The following WBP2NL variants were observed in gnomAD, a reference collection of about 807,000 sequenced individuals.
The protein encoded by WBP2NL is WBP2 N-terminal like, also known as postacrosomal sheath WW domain-binding protein.
WBP2NL carries 27 observed loss-of-function variants against 23.3 expected under a neutral mutation model. That is an observed-to-expected ratio of 1.16 (90% confidence interval 0.85 to 1.60). The LOEUF is 1.60. Ranked by LOEUF, WBP2NL falls within the 40% of genes most tolerant of loss-of-function variation. The pLI, the probability that WBP2NL is intolerant of heterozygous loss-of-function variation, is 0.00. For synonymous variants in WBP2NL, 151 were observed against 145.9 expected (o/e 1.03, Z -0.25); for missense variants, 370 against 389.5 (o/e 0.95, Z 0.42).
At chr22:42,031,443 T>C (rs1717936264), downstream of WBP2NL, 1 of 152,216 alleles carries the variant, frequency 6.6e-6, no homozygotes, top group South Asian at 2.1e-4. Flanking sequence ...GCTCTTCCTG[T>C]CTCTTCCCCA....
At chr22:42,019,164 T>TG in intron 1 of WBP2NL, 147 bp from the exon 2 acceptor site, 3 of 624,132 alleles carry the variant, frequency 4.8e-6, no homozygotes, top group Non-Finnish European at 8.1e-6. Context: ...GAGCTTGCAG[T>TG]GAGGTGAAAT....
downstream of WBP2NL, among the ~76,000 whole-genome samples, chr22:42,036,613 A>G (rs1776647661): frequency 6.6e-6 from 1 of 152,080 alleles, no homozygotes; most frequent in African/African-American, 2.4e-5. Context: ...TATCTTTTTG[A>G]TAATAGCCTA....
chr22:42,057,393 C>T (rs1469661085), intron 8 of WBP2NL, among the ~76,000 whole-genome samples: 1 of 152,088 alleles, frequency 6.6e-6, no homozygotes, highest in African/African-American at 2.4e-5. Flanking sequence ...ACAGTTTTAT[C>T]TCTTCTTTGT....
intron 3 of WBP2NL, 77 bp downstream of exon 3, chr22:42,019,880 A>C: frequency 6.3e-7 from 1 of 1,599,664 alleles, no homozygotes; most frequent in Non-Finnish European, 8.5e-7. Flanking sequence ...AACTTGGCTC[A>C]TGTTGAAATT....
rs924042403 is a variant in WBP2NL, at chr22:42,028,170, T to C, written c.*989T>C. ...TGTCCATTAATAGGAAATATATGAA[T>C]AGGCTATGGTATGCCCATACTACGT... On this transcript the variant is annotated 3_prime_UTR_variant, in exon 6 of 6. Coordinates refer to ENST00000328823, the MANE Select transcript of WBP2NL (RefSeq NM_152613.3). 1.0e-5 allele frequency: 4 copies of C among 398,164 alleles called. No homozygotes were observed. The highest frequency in any genetic ancestry group is 6.2e-4 in the Middle Eastern group (1 of 1,608). The allele number at this position is 398,164 out of a possible 1,614,324, so 24.7% of individuals were successfully genotyped here.
downstream of WBP2NL, among the ~76,000 whole-genome samples, chr22:42,036,368 G>A (rs1925182565): frequency 6.6e-6 from 1 of 152,178 alleles, no homozygotes; most frequent in Non-Finnish European, 1.5e-5. Flanking sequence ...TAGAGATGGG[G>A]TTTCAGCATG....
downstream of WBP2NL, among the ~76,000 whole-genome samples, chr22:42,029,294 GAAA>G (rs953340569): frequency 5.2e-4 from 43 of 81,986 alleles, no homozygotes; most frequent in African/African-American, 2.0e-3. Context: ...CTGTGTCTAG[GAAA>G]AAAAAAAAAA....
chr22:42,012,499 T>C, intron 1 of WBP2NL, among the ~76,000 whole-genome samples: 1 of 152,208 alleles, frequency 6.6e-6, no homozygotes, highest in Non-Finnish European at 1.5e-5. Flanking sequence ...TTTCCACATA[T>C]TTGTGGCAGT....
At chr22:42,036,714 A>T (rs1160309980), downstream of WBP2NL, among the ~76,000 whole-genome samples, 1 of 152,164 alleles carries the variant, frequency 6.6e-6, no homozygotes, top group Non-Finnish European at 1.5e-5. Context: ...CTTATTGGCC[A>T]TCTGAATTTC....
chr22:42,029,769 A>G (rs546033585), downstream of WBP2NL, among the ~76,000 whole-genome samples: 6 of 152,358 alleles, frequency 3.9e-5, no homozygotes, highest in South Asian at 1.2e-3. Flanking sequence ...GCTTGTAAAT[A>G]TTGTTAGTGA....
At chr22:42,011,133 A>G (rs527594078) in intron 1 of WBP2NL, among the ~76,000 whole-genome samples, 2 of 152,342 alleles carry the variant, frequency 1.3e-5, no homozygotes, top group East Asian at 3.9e-4. Context: ...GTATCAGGGT[A>G]ATGCTGGCCT....
rs966964284 is a variant in WBP2NL at position 42,027,275 on chromosome 22, A to G, written c.*94A>G. 7.5e-6 allele frequency: 11 copies of G among 1,458,288 alleles called. No homozygotes were observed. Among genetic ancestry groups the G allele is most frequent in the African/African-American group, 2.8e-5 (2 of 70,264 alleles). The allele number at this position is 1,458,288 out of a possible 1,614,324, so 90.3% of individuals were successfully genotyped here. On this transcript the variant is annotated 3_prime_UTR_variant, in exon 6 of 6. Transcript: ENST00000328823. The stretch of plus-strand genomic sequence containing the variant: ...GAGGACGACTCAGGTATGTGATCAC[A>G]GGCTTCTCGCAGGTAGTTGTTCCAC...
chr22:42,039,776 T>A (rs1925329982), intron 8 of WBP2NL, among the ~76,000 whole-genome samples: 1 of 152,130 alleles, frequency 6.6e-6, no homozygotes, highest in Admixed American at 6.6e-5. Context: ...TTGATCTTTT[T>A]AAAAAGCCAA....
At chr22:42,025,587 AT>A (rs1422448113) in intron 5 of WBP2NL, among the ~76,000 whole-genome samples, 1 of 152,128 alleles carries the variant, frequency 6.6e-6, no homozygotes, top group East Asian at 1.9e-4. Context: ...TTTTTTTCCC[AT>A]TGAATGGTCT....
chr22:42,044,977 A>AT (rs1044949395), intron 8 of WBP2NL, among the ~76,000 whole-genome samples: 13 of 150,820 alleles, frequency 8.6e-5, no homozygotes, highest in African/African-American at 2.9e-4. Flanking sequence ...CACCTGGCTA[A>AT]TTTTTTTTTC....
In WBP2NL at chr22:41,998,802, A is replaced by C. The variant is rs535542133; in HGVS notation, c.-17A>C. ...CGCCCCTTTCCATCTACGGGGCGGC[A>C]GGAGGCCCGAAGCAAGATGGCGGTG... is the stretch of plus-strand genomic sequence containing the variant. On this transcript the variant is annotated 5_prime_UTR_variant, in exon 1 of 6. Coordinates refer to ENST00000328823, the MANE Select transcript of WBP2NL (RefSeq NM_152613.3). The C allele has an allele frequency of 1.9e-6, 3 of 1,606,120 alleles. No homozygotes were observed. Among genetic ancestry groups the C allele is most frequent in the Admixed American group, 3.4e-5 (2 of 58,960 alleles).
rs182268920 is a variant in WBP2NL, at chr22:42,005,377, G to A, written c.62+6497G>A. Reference sequence around the variant, plus strand: ...AAAAATACAAAAATTAGTTGGGGGTGGTGGTGGGTTCCTGTAATCCCAGCT... The same window carrying A: ...AAAAATACAAAAATTAGTTGGGGGTAGTGGTGGGTTCCTGTAATCCCAGCT... On this transcript the variant is annotated intron_variant, in intron 1 of 5. Transcript: ENST00000328823. 2.6e-5 allele frequency among the ~76,000 whole-genome samples: 4 copies of A among 152,244 alleles called. No individual in the cohort carries two copies. The East Asian group carries it at 7.7e-4, about 29-fold the overall frequency.
At chr22:42,008,609 A>G (rs1469714515) in intron 1 of WBP2NL, among the ~76,000 whole-genome samples, 1 of 151,964 alleles carries the variant, frequency 6.6e-6, no homozygotes, top group East Asian at 1.9e-4. Flanking sequence ...CAATCTTTTT[A>G]TATGCTCATT....
At position 42,028,036 on chromosome 22, in the gene WBP2NL, A is replaced by G. The variant is rs961710396; in HGVS notation, c.*855A>G. Reference sequence around the variant, plus strand: ...AAAACTCTTGATATGGCACTTTCACATTTTAAAATATGCCTGCGAGAAAAC... The same window carrying G: ...AAAACTCTTGATATGGCACTTTCACGTTTTAAAATATGCCTGCGAGAAAAC... On this transcript the variant is annotated 3_prime_UTR_variant, in exon 6 of 6. Coordinates refer to ENST00000328823, the MANE Select transcript of WBP2NL (RefSeq NM_152613.3). 2.5e-6 allele frequency: 1 copy of G among 398,412 alleles called. No individual in the cohort carries two copies. The highest frequency in any genetic ancestry group is 2.1e-5 in the African/African-American group (1 of 48,628). 24.7% of individuals were successfully genotyped at this position (398,412 alleles called of 1,614,324 possible). A position where few individuals can be genotyped will look rare whatever the true frequency, so the allele number is the denominator to read the frequency against.
Sources: allele counts gnomAD v4.1 joint callset (sites outside exome capture counted in the v4.1 genomes callset), GRCh38; gene constraint gnomAD v4.1.1; transcripts MANE v1.5; gene names NCBI Gene and HGNC (gene_info 2026-07-23, HGNC 2026-07-21).